TRDN: variants seen among roughly 807,000 people sequenced by gnomAD.
The protein encoded by TRDN is triadin.
Under a neutral mutation model 149.7 loss-of-function variants are expected in TRDN, and 161 were observed. The ratio of observed to expected loss-of-function variants is 1.08; its 90% CI spans 0.95 to 1.23. The LOEUF is 1.23. Among genes scored for constraint, TRDN ranks in the 50% most tolerant of loss-of-function variants. The pLI is 0.00. For synonymous variants in TRDN, 294 were observed against 250.5 expected (o/e 1.17, Z -1.64); for missense variants, 896 against 823.5 (o/e 1.09, Z -1.08).
At chr6:123,365,010 C>T (rs554025776) in intron 20 of TRDN, among the ~76,000 whole-genome samples, 1 of 152,196 alleles carries the variant, frequency 6.6e-6, no homozygotes, top group South Asian at 2.1e-4. Flanking sequence ...AATTACTCTG[C>T]CATTTATAGT....
At chr6:123,564,944 C>T (rs73770170) in intron 2 of TRDN, among the ~76,000 whole-genome samples, 7 of 152,092 alleles carry the variant, frequency 4.6e-5, no homozygotes, top group Non-Finnish European at 1.0e-4. Context: ...GAATGATGAT[C>T]CTTGTTCTTA....
At chr6:123,582,858 G>T (rs921950720) in intron 1 of TRDN, among the ~76,000 whole-genome samples, 1 of 27,824 alleles carries the variant, frequency 3.6e-5, no homozygotes, top group African/African-American at 2.8e-4. Flanking sequence ...TGCTTTGAGT[G>T]GGATTGGGGG....
At chr6:123,243,992 C>G (rs1188595154) in intron 38 of TRDN, among the ~76,000 whole-genome samples, 1 of 152,094 alleles carries the variant, frequency 6.6e-6, no homozygotes, top group Non-Finnish European at 1.5e-5. Flanking sequence ...TCAACAACTA[C>G]AGAATATACA....
intron 9 of TRDN, among the ~76,000 whole-genome samples, chr6:123,472,438 C>G (rs982450469): frequency 1.3e-5 from 2 of 152,208 alleles, no homozygotes; most frequent in African/African-American, 2.4e-5. Context: ...CCTACGCCCA[C>G]GGAATCTCGC....
intron 1 of TRDN, among the ~76,000 whole-genome samples, chr6:123,617,690 T>C (rs1266543692): frequency 1.3e-5 from 2 of 152,188 alleles, no homozygotes; most frequent in Admixed American, 6.5e-5. Flanking sequence ...AAAGGGAGAC[T>C]ATTTATTTTT....
chr6:123,618,411 GAAAA>G (rs1189772809), intron 1 of TRDN, among the ~76,000 whole-genome samples: 1 of 152,084 alleles, frequency 6.6e-6, no homozygotes, highest in Non-Finnish European at 1.5e-5. Flanking sequence ...GCCACCAACA[GAAAA>G]AGTTCTCCAA....
chr6:123,595,685 C>G (rs1406807790), intron 1 of TRDN, among the ~76,000 whole-genome samples: 1 of 152,058 alleles, frequency 6.6e-6, no homozygotes, highest in African/African-American at 2.4e-5. Flanking sequence ...TCAAACTACT[C>G]CATTATTATT....
chr6:123,549,562 T>G (rs927242681), intron 2 of TRDN, among the ~76,000 whole-genome samples: 6 of 152,106 alleles, frequency 3.9e-5, no homozygotes, highest in Non-Finnish European at 8.8e-5. Flanking sequence ...ATCAATGTAT[T>G]ATACTACCTA....
chr6:123,609,981 G>A (rs1784717924), intron 1 of TRDN, among the ~76,000 whole-genome samples: 1 of 152,074 alleles, frequency 6.6e-6, no homozygotes, highest in Non-Finnish European at 1.5e-5. Context: ...TATACTAGAA[G>A]TCCTGAAATA....
intron 1 of TRDN, among the ~76,000 whole-genome samples, chr6:123,600,006 A>G (rs1784210607): frequency 6.6e-6 from 1 of 152,008 alleles, no homozygotes; most frequent in African/African-American, 2.4e-5. Flanking sequence ...CCATTAGAAC[A>G]TAAGCTCCTA....
intron 12 of TRDN, among the ~76,000 whole-genome samples, chr6:123,398,212 G>T (rs1354206221): frequency 6.6e-6 from 1 of 152,106 alleles, no homozygotes; most frequent in Non-Finnish European, 1.5e-5. Context: ...TCACCATGTT[G>T]GTCAGGCTGG....
intron 1 of TRDN, among the ~76,000 whole-genome samples, chr6:123,613,351 T>C (rs1784908143): frequency 2.0e-5 from 3 of 152,320 alleles, no homozygotes; most frequent in Admixed American, 6.5e-5. Context: ...CATTTCAGCA[T>C]ATATTTGCAC....
chr6:123,427,535 A>G (rs1451473023), intron 12 of TRDN, among the ~76,000 whole-genome samples: 1 of 152,092 alleles, frequency 6.6e-6, no homozygotes, highest in Admixed American at 6.6e-5. Context: ...GAAAACTTCA[A>G]ATGGCAGTGT....
chr6:123,552,195 G>A (rs1384395900), intron 2 of TRDN, among the ~76,000 whole-genome samples: 1 of 152,088 alleles, frequency 6.6e-6, no homozygotes, highest in Non-Finnish European at 1.5e-5. Flanking sequence ...TGAATGCCGG[G>A]AAAACTGCTT....
intron 8 of TRDN, among the ~76,000 whole-genome samples, chr6:123,501,054 T>C (rs1460608132): frequency 6.6e-6 from 1 of 151,698 alleles, no homozygotes; most frequent in Admixed American, 6.6e-5. Context: ...CTAGATTATT[T>C]GATGGGTGTG....
intron 4 of TRDN, among the ~76,000 whole-genome samples, chr6:123,545,607 G>A (rs1307209882): frequency 1.3e-5 from 2 of 151,742 alleles, no homozygotes; most frequent in East Asian, 3.9e-4. Flanking sequence ...ATATTCAGGT[G>A]ATTTAAAGTC....
At chr6:123,344,036 T>G (rs1780162020) in intron 21 of TRDN, among the ~76,000 whole-genome samples, 1 of 152,038 alleles carries the variant, frequency 6.6e-6, no homozygotes, top group Non-Finnish European at 1.5e-5. Flanking sequence ...GACAGCAGTT[T>G]GCAATCCAGA....
intron 24 of TRDN, among the ~76,000 whole-genome samples, chr6:123,281,347 C>T (rs970674587): frequency 3.9e-5 from 6 of 151,970 alleles, no homozygotes; most frequent in Non-Finnish European, 8.8e-5. Context: ...TGTGTGATGG[C>T]TTTTACAGAA....
chr6:123,236,112 C>T (rs1434399481), intron 38 of TRDN, among the ~76,000 whole-genome samples: 1 of 152,152 alleles, frequency 6.6e-6, no homozygotes, highest in East Asian at 1.9e-4. Flanking sequence ...TACCATTTTG[C>T]CTTCCCGACA....
Sources: allele counts gnomAD v4.1 joint callset (sites outside exome capture counted in the v4.1 genomes callset), GRCh38; gene constraint gnomAD v4.1.1; transcripts MANE v1.5; gene names NCBI Gene and HGNC (gene_info 2026-07-23, HGNC 2026-07-21).